The following THSD4 variants were observed in gnomAD, a reference collection of about 807,000 sequenced individuals.
The protein encoded by THSD4 is thrombospondin type-1 domain-containing protein 4.
A neutral mutation model predicts 119.0 loss-of-function variants in THSD4; 69 were observed. The ratio of observed to expected loss-of-function variants is 0.58; its 90% confidence interval spans 0.48 to 0.71. THSD4 has a LOEUF of 0.71. Among genes scored for constraint, THSD4 ranks in the 30% least tolerant of loss-of-function variants. The pLI is 0.00. For missense variants in THSD4, 1,393 were observed against 1,391.1 expected (o/e 1.00, Z -0.02); for synonymous variants, 524 against 540.4 (o/e 0.97, Z 0.42).
intron 7 of THSD4, among the ~76,000 whole-genome samples, chr15:71,537,933 T>C (rs568210501): frequency 3.2e-4 from 49 of 151,962 alleles, no homozygotes; most frequent in African/African-American, 1.1e-3. Flanking sequence ...CAGCTAATTT[T>C]TGTATTTTTA....
chr15:71,633,668 A>G (rs1427799645), intron 7 of THSD4, among the ~76,000 whole-genome samples: 2 of 152,130 alleles, frequency 1.3e-5, no homozygotes, highest in Non-Finnish European at 2.9e-5. Flanking sequence ...TTTGTCTTTC[A>G]GTTCATTTAG....
At chr15:71,540,529 A>G (rs2048745103) in intron 7 of THSD4, among the ~76,000 whole-genome samples, 1 of 143,884 alleles carries the variant, frequency 7.0e-6, no homozygotes, top group Admixed American at 7.1e-5. Flanking sequence ...CCTGGGTTCA[A>G]GTGATTCTCT....
At chr15:71,465,321 C>A (rs1368565826) in intron 7 of THSD4, among the ~76,000 whole-genome samples, 3 of 152,180 alleles carry the variant, frequency 2.0e-5, no homozygotes, top group African/African-American at 7.2e-5. Flanking sequence ...GCAGTTCAGG[C>A]TCCTACTGCA....
At chr15:71,141,826 G>A (rs1053769265) in intron 2 of THSD4, among the ~76,000 whole-genome samples, 3 of 152,208 alleles carry the variant, frequency 2.0e-5, no homozygotes, top group African/African-American at 7.2e-5. Context: ...TTTTTAGGCC[G>A]GATGCAGTGG....
chr15:71,486,728 G>A (rs967774380), intron 7 of THSD4, among the ~76,000 whole-genome samples: 5 of 151,476 alleles, frequency 3.3e-5, no homozygotes, highest in African/African-American at 9.7e-5. Context: ...GCTCCCGGGT[G>A]TGAATTTCTT....
chr15:71,346,201 A>C (rs2045658700), intron 6 of THSD4, among the ~76,000 whole-genome samples: 1 of 152,204 alleles, frequency 6.6e-6, no homozygotes, highest in Admixed American at 6.5e-5. Flanking sequence ...TGTTTGAAGA[A>C]TATAGACCAT....
At chr15:71,317,710 TA>T (rs902100867) in intron 6 of THSD4, among the ~76,000 whole-genome samples, 3 of 152,106 alleles carry the variant, frequency 2.0e-5, no homozygotes, top group African/African-American at 7.2e-5. Flanking sequence ...GCTGCCTGTG[TA>T]GGGGGACAGT....
At chr15:71,110,927 G>A, upstream of THSD4, 5 of 580,302 alleles carry the variant, frequency 8.6e-6, no homozygotes, top group South Asian at 1.0e-4. Flanking sequence ...GATCTCCATT[G>A]TCTAGGCCTA....
At chr15:71,697,463 C>T (rs1422532922) in intron 8 of THSD4, among the ~76,000 whole-genome samples, 1 of 152,218 alleles carries the variant, frequency 6.6e-6, no homozygotes, top group Non-Finnish European at 1.5e-5. Flanking sequence ...GACATAGACA[C>T]ACACCTGTCT....
At chr15:71,327,351 C>T (rs2045359718) in intron 6 of THSD4, among the ~76,000 whole-genome samples, 1 of 152,178 alleles carries the variant, frequency 6.6e-6, no homozygotes, top group Non-Finnish European at 1.5e-5. Flanking sequence ...TAAACCTTAG[C>T]CGCCTTCCAC....
In THSD4 at chr15:71,368,239, G is replaced by T. The variant is rs992418867; in HGVS notation, c.1016-43448G>T. Among the ~76,000 whole-genome samples, 2 of 152,154 alleles carry T rather than the reference G, an allele frequency of 1.3e-5. 1 individual carries two copies. Among genetic ancestry groups the T allele is most frequent in the Non-Finnish European group, 2.9e-5 (2 of 68,040 alleles). On this transcript the variant is annotated intron_variant, in intron 6 of 17. Coordinates refer to ENST00000261862, the MANE Select transcript of THSD4 (RefSeq NM_024817.3). ...TTTTCTCCCATTCTGTAGGTTGCCTGTTCACTCTGATGGTTGTTTCTTTTG... is the reference window on the plus strand; with the variant it reads ...TTTTCTCCCATTCTGTAGGTTGCCTTTTCACTCTGATGGTTGTTTCTTTTG...
chr15:71,706,426 A>C (rs2052393527), intron 8 of THSD4, among the ~76,000 whole-genome samples: 1 of 152,110 alleles, frequency 6.6e-6, no homozygotes, highest in Admixed American at 6.5e-5. Context: ...TACAGGGGAA[A>C]TCTCTAACAG....
intron 8 of THSD4, among the ~76,000 whole-genome samples, chr15:71,716,726 A>T (rs1269356814): frequency 6.6e-6 from 1 of 151,618 alleles, no homozygotes; most frequent in Non-Finnish European, 1.5e-5. Context: ...TCATCCTCCT[A>T]CCCGACTTCC....
At chr15:71,289,971 G>A (rs943094530) in intron 6 of THSD4, among the ~76,000 whole-genome samples, 1 of 152,042 alleles carries the variant, frequency 6.6e-6, no homozygotes, top group African/African-American at 2.4e-5. Context: ...GATGGTGCCC[G>A]GGCATGGGGG....
rs80347474 is a variant in THSD4, at chr15:71,273,692, T to C, written c.1015+16977T>C. On this transcript the variant is annotated intron_variant, in intron 6 of 17. Transcript: ENST00000261862. ...AAAATTTAAAAATACACAGTATCAT[T>C]TTGAGACTCATTTAGAATTATAGGG... Among the ~76,000 whole-genome samples, 450 of 152,294 alleles carry C rather than the reference T, an allele frequency of 3.0e-3. 1 individual carries two copies. The highest frequency in any genetic ancestry group is 0.01 in the African/African-American group (417 of 41,542).
intron 7 of THSD4, among the ~76,000 whole-genome samples, chr15:71,429,119 G>T (rs1273208108): frequency 6.6e-6 from 1 of 152,182 alleles, no homozygotes; most frequent in Non-Finnish European, 1.5e-5. Flanking sequence ...CTGACAAAAG[G>T]CAGGTTAAAA....
chr15:71,765,434 G>T (rs1038159748), intron 16 of THSD4, among the ~76,000 whole-genome samples: 2 of 152,338 alleles, frequency 1.3e-5, no homozygotes, highest in Middle Eastern at 3.4e-3. Context: ...TCACACTTCA[G>T]TGTGCATAGG....
intron 6 of THSD4, among the ~76,000 whole-genome samples, chr15:71,367,002 A>T (rs1420728068): frequency 3.3e-5 from 5 of 152,202 alleles, no homozygotes; most frequent in Admixed American, 3.3e-4. Context: ...TTTTCTCAAA[A>T]CATATTCCAT....
At chr15:71,177,823 G>C (rs1318781176) in intron 3 of THSD4, among the ~76,000 whole-genome samples, 2 of 150,212 alleles carry the variant, frequency 1.3e-5, no homozygotes, top group East Asian at 4.0e-4. Context: ...TGGGATGCAA[G>C]GCTGGTTCAA....
Sources: gnomAD v4.1 joint callset for allele counts (sites outside exome capture counted in the v4.1 genomes callset) on GRCh38, gnomAD v4.1.1 for gene constraint, MANE v1.5 for transcripts, NCBI Gene and HGNC (gene_info 2026-07-23, HGNC 2026-07-21) for gene names.